Variants in XKR6 observed in about 807,000 individuals in gnomAD.
XKR6 encodes XK related 6.
XKR6 carries 22 observed loss-of-function variants against 56.7 expected under a neutral mutation model. The ratio of observed to expected loss-of-function variants is 0.39; its 90% CI spans 0.28 to 0.55. The LOEUF is 0.55. Among genes scored for constraint, XKR6 ranks in the 20% least tolerant of loss-of-function variants. The pLI is 0.66. For missense variants in XKR6, 852 were observed against 889.0 expected (o/e 0.96, Z 0.53); for synonymous variants, 524 against 387.8 (o/e 1.35, Z -4.13).
intron 1 of XKR6, among the ~76,000 whole-genome samples, chr8:10,954,880 T>TTTTTTTTTTTTTTTG (rs1801833919): frequency 6.8e-6 from 1 of 147,438 alleles, no homozygotes; most frequent in Non-Finnish European, 1.5e-5. Flanking sequence ...TTTTTTTTTT[T>TTTTTTTTTTTTTTTG]TTTTTTAGAC....
At chr8:10,980,014 C>A (rs1797691738) in intron 1 of XKR6, among the ~76,000 whole-genome samples, 1 of 152,254 alleles carries the variant, frequency 6.6e-6, no homozygotes, top group Admixed American at 6.5e-5. Context: ...TCATGCCAAA[C>A]CCTGAGGCAG....
intron 1 of XKR6, among the ~76,000 whole-genome samples, chr8:11,136,423 G>T (rs1016898561): frequency 6.6e-6 from 1 of 151,436 alleles, no homozygotes; most frequent in Admixed American, 6.6e-5. Context: ...AGAATCGCTT[G>T]AACCCGGGGG....
In XKR6 at chr8:10,910,376, C is replaced by T. The variant is rs565188660; in HGVS notation, c.962-11460G>A. ...CCCTGAGAAGTGGTGGGTATCCTAA[C>T]GGGCCTGGAGGTACAGATGCAGGGA... is the stretch of plus-strand genomic sequence containing the variant. On this transcript the variant is annotated intron_variant, in intron 2 of 2. Transcript: ENST00000416569. 3.9e-5 allele frequency among the ~76,000 whole-genome samples: 6 copies of T among 152,228 alleles called. No individual in the cohort carries two copies. In the South Asian group the frequency reaches 1.0e-3, roughly 26 times the overall value.
intron 1 of XKR6, among the ~76,000 whole-genome samples, chr8:11,151,789 A>G (rs1801282900): frequency 6.6e-6 from 1 of 151,848 alleles, no homozygotes; most frequent in African/African-American, 2.4e-5. Flanking sequence ...TTAAAATGCT[A>G]TTACAAATCA....
At chr8:11,190,366 G>C (rs1003474476) in intron 1 of XKR6, among the ~76,000 whole-genome samples, 1 of 152,156 alleles carries the variant, frequency 6.6e-6, no homozygotes, top group Non-Finnish European at 1.5e-5. Context: ...GGTCAACAGA[G>C]AACCAACATA....
At chr8:11,131,257 G>C (rs1473717306) in intron 1 of XKR6, among the ~76,000 whole-genome samples, 1 of 152,008 alleles carries the variant, frequency 6.6e-6, no homozygotes, top group Non-Finnish European at 1.5e-5. Flanking sequence ...TGATTCAACT[G>C]TATCCTATTT....
chr8:11,020,156 T>C (rs1325911220), intron 1 of XKR6, among the ~76,000 whole-genome samples: 4 of 152,082 alleles, frequency 2.6e-5, no homozygotes, highest in Non-Finnish European at 5.9e-5. Flanking sequence ...CATGGGGACT[T>C]ACAGGGCAGG....
intron 1 of XKR6, among the ~76,000 whole-genome samples, chr8:11,182,290 C>T (rs1380862534): frequency 6.6e-6 from 1 of 152,154 alleles, no homozygotes; most frequent in East Asian, 1.9e-4. Flanking sequence ...ACTCTTCTGA[C>T]TTAAAATACC....
At chr8:11,138,018 G>C in intron 1 of XKR6, 2 of 277,302 alleles carry the variant, frequency 7.2e-6, no homozygotes, top group Non-Finnish European at 1.4e-5. Flanking sequence ...GAAGACATCA[G>C]AGCAGAAGGG....
At chr8:11,019,007 C>A (rs4531011) in intron 1 of XKR6, among the ~76,000 whole-genome samples, 56,690 of 151,824 alleles carry the variant, frequency 0.37, 11,067 homozygotes, top group East Asian at 0.58. Flanking sequence ...GCTCAGCCTT[C>A]ATCCTCAGGC....
At chr8:11,009,220 A>T (rs1378210037) in intron 1 of XKR6, among the ~76,000 whole-genome samples, 1 of 152,044 alleles carries the variant, frequency 6.6e-6, no homozygotes, top group African/African-American at 2.4e-5. Context: ...TTGAAAAGGT[A>T]TAGGGTTTGG....
chr8:11,177,448 G>A (rs142202331), intron 1 of XKR6, among the ~76,000 whole-genome samples: 26 of 152,268 alleles, frequency 1.7e-4, no homozygotes, highest in Admixed American at 1.6e-3. Flanking sequence ...TGAGTGTTAT[G>A]GGCTCAATTC....
chr8:11,014,973 C>T (rs368439491), intron 1 of XKR6, among the ~76,000 whole-genome samples: 1 of 152,202 alleles, frequency 6.6e-6, no homozygotes, highest in African/African-American at 2.4e-5. Context: ...ACAGGCAAAA[C>T]GCAGATGGAA....
intron 1 of XKR6, among the ~76,000 whole-genome samples, chr8:11,188,578 A>G (rs1803392202): frequency 1.3e-5 from 2 of 152,198 alleles, no homozygotes; most frequent in Non-Finnish European, 2.9e-5. Flanking sequence ...TCCTTTTTGG[A>G]AGACATCATC....
chr8:10,921,904 A>G (rs1800733620), intron 2 of XKR6, among the ~76,000 whole-genome samples: 1 of 152,220 alleles, frequency 6.6e-6, no homozygotes, highest in Admixed American at 6.5e-5. Flanking sequence ...TGCCAGTGTG[A>G]TAGGATTACG....
At chr8:10,960,007 C>CA (rs1487074040) in intron 1 of XKR6, among the ~76,000 whole-genome samples, 1 of 151,276 alleles carries the variant, frequency 6.6e-6, no homozygotes, top group African/African-American at 2.4e-5. Flanking sequence ...GCCTGAAGGT[C>CA]AGGGGGGGGC....
chr8:11,102,953 G>A (rs893595190), intron 1 of XKR6, among the ~76,000 whole-genome samples: 1 of 152,188 alleles, frequency 6.6e-6, no homozygotes. Context: ...GAAGGTTGGA[G>A]GCAAAGACCA....
chr8:11,033,731 C>A (rs561956885), intron 1 of XKR6, among the ~76,000 whole-genome samples: 253 of 152,160 alleles, frequency 1.7e-3, no homozygotes, highest in African/African-American at 5.7e-3. Context: ...TGAGAACCAA[C>A]TGAATGAGAA....
chr8:10,915,208 G>A (rs546448402), intron 2 of XKR6, among the ~76,000 whole-genome samples: 1 of 152,336 alleles, frequency 6.6e-6, no homozygotes, highest in South Asian at 2.1e-4. Context: ...AGGGTTTTCT[G>A]TTTTTTCATT....
Sources: gnomAD v4.1 joint callset for allele counts (sites outside exome capture counted in the v4.1 genomes callset) on GRCh38, gnomAD v4.1.1 for gene constraint, MANE v1.5 for transcripts, NCBI Gene and HGNC (gene_info 2026-07-23, HGNC 2026-07-21) for gene names.